DNAH9: variants seen among roughly 807,000 people sequenced by gnomAD.
The protein encoded by DNAH9 is DNAH9 variant protein.
In DNAH9, 345 loss-of-function variants were observed where a neutral mutation model predicts 471.6. That is an observed-to-expected ratio of 0.73 (90% CI 0.67 to 0.80). The LOEUF is 0.80. Ranked by LOEUF, DNAH9 falls within the 30% of genes least tolerant of loss-of-function variation. The pLI, the probability that DNAH9 is intolerant of heterozygous loss-of-function variation, is 0.00. For missense variants in DNAH9, 5,407 were observed against 5,609.2 expected, an observed-to-expected ratio of 0.96 and a Z score of 1.15; for synonymous variants, 2,093 against 2,123.6, an observed-to-expected ratio of 0.99 and a Z score of 0.40.
intron 10 of DNAH9, among the ~76,000 whole-genome samples, chr17:11,640,762 T>C (rs2073256421): frequency 6.6e-6 from 1 of 152,138 alleles, no homozygotes; most frequent in Admixed American, 6.5e-5. Flanking sequence ...TCAAGTGCAG[T>C]ATGAGGTCTC....
Position 11,892,122 on chromosome 17 carries a change from C to G in DNAH9, c.11283+175C>G, listed in dbSNP as rs1040193638. ...ATGTGGTGTGTGCATCTGCCCCCAC[C>G]ATTTCCCACTTATGGCAGACATACT... On this transcript the variant is annotated intron_variant, in intron 58 of 68. Coordinates refer to ENST00000262442, the MANE Select transcript of DNAH9 (RefSeq NM_001372.4). The surrounding 1 kb of genome is among the most constrained non-coding windows in gnomAD (Gnocchi z 4.3). Among the ~76,000 whole-genome samples, 19 of 152,308 alleles carry G rather than the reference C, an allele frequency of 1.2e-4. No individual in the cohort carries two copies. The East Asian group carries it at 2.9e-3, about 23-fold the overall frequency.
At chr17:11,744,646 G>A (rs1743908142) in intron 30 of DNAH9, 151 bp from the exon 31 acceptor site, 1 of 659,048 alleles carries the variant, frequency 1.5e-6, no homozygotes, top group Non-Finnish European at 2.6e-6. Context: ...CTAAATTCTG[G>A]GATCATCATT....
chr17:11,784,339 G>C lies in DNAH9; in HGVS notation c.7861G>C (p.Asp2621His). The change falls in exon 41 of 69, where the codon GAT becomes CAT. Residue 2621 changes from aspartate (D) to histidine (H), a missense_variant. Transcript: ENST00000262442. ...GTTTGTCCTCTCCTTCCCGGGGGCAGATGCCCTGTCCTCTATCTACAGCAT... is the reference window on the plus strand; with the variant it reads ...GTTTGTCCTCTCCTTCCCGGGGGCACATGCCCTGTCCTCTATCTACAGCAT... ...SVFVLSFPGA[D>H]ALSSIYSIIL... The C allele has an allele frequency of 6.2e-7, 1 of 1,614,194 alleles. No individual in the cohort carries two copies. Among genetic ancestry groups the C allele is most frequent in the Non-Finnish European group, 8.5e-7 (1 of 1,180,040 alleles).
intron 61 of DNAH9, among the ~76,000 whole-genome samples, chr17:11,914,216 A>G (rs1451964220): frequency 1.3e-5 from 2 of 152,156 alleles, no homozygotes; most frequent in African/African-American, 4.8e-5. Flanking sequence ...TGTAGCTTTT[A>G]GTTTTCTTTG....
At chr17:11,850,708 C>T (rs892506993) in intron 49 of DNAH9, among the ~76,000 whole-genome samples, 1 of 151,910 alleles carries the variant, frequency 6.6e-6, no homozygotes, top group Non-Finnish European at 1.5e-5. Flanking sequence ...CCACGCTGCT[C>T]TATCTGCCTG....
chr17:11,812,026 AATATAT>A (rs1555601078), intron 45 of DNAH9, among the ~76,000 whole-genome samples: 602 of 36,728 alleles, frequency 0.016, 29 homozygotes, highest in Non-Finnish European at 0.018. Flanking sequence ...AAAAAAAAAA[AATATAT>A]ATATATATAT....
intron 65 of DNAH9, 52 bp downstream of exon 65, chr17:11,934,123 G>T: frequency 6.4e-7 from 1 of 1,565,398 alleles, no homozygotes; most frequent in South Asian, 1.2e-5. Flanking sequence ...ACAGGGCCCT[G>T]GGTATTCCTC....
At chr17:11,908,631 C>T (rs994499465) in intron 61 of DNAH9, among the ~76,000 whole-genome samples, 1 of 152,180 alleles carries the variant, frequency 6.6e-6, no homozygotes, top group Non-Finnish European at 1.5e-5. Context: ...TATACTAAAT[C>T]AATACAAATG....
At chr17:11,928,835 G>T (rs1166083912) in intron 62 of DNAH9, among the ~76,000 whole-genome samples, 1 of 152,146 alleles carries the variant, frequency 6.6e-6, no homozygotes, top group African/African-American at 2.4e-5. Flanking sequence ...ACCAATTACC[G>T]GAGGATCTCA....
chr17:11,884,983 G>A (rs1312659826), intron 56 of DNAH9, among the ~76,000 whole-genome samples: 7 of 151,928 alleles, frequency 4.6e-5, no homozygotes, highest in Admixed American at 2.0e-4. Context: ...GCTGTGTGCC[G>A]AGGGTTGTAT....
chr17:11,740,423 C>T (rs1328763237), intron 29 of DNAH9, among the ~76,000 whole-genome samples: 1 of 152,094 alleles, frequency 6.6e-6, no homozygotes, highest in Admixed American at 6.6e-5. Context: ...TGAGGGCTCT[C>T]CTCCAGGTTG....
chr17:11,661,238 T>C (rs1375438597), intron 14 of DNAH9, among the ~76,000 whole-genome samples: 2 of 151,822 alleles, frequency 1.3e-5, no homozygotes, highest in African/African-American at 4.9e-5. Context: ...ATATAGCCTT[T>C]CCTATCTGAT....
chr17:11,778,698 G>A (rs1180639807), intron 38 of DNAH9, among the ~76,000 whole-genome samples: 1 of 152,082 alleles, frequency 6.6e-6, no homozygotes, highest in Admixed American at 6.6e-5. Context: ...ATAACAAATG[G>A]GAAGCCACTT....
intron 26 of DNAH9, among the ~76,000 whole-genome samples, chr17:11,713,310 A>G (rs1301841520): frequency 6.6e-6 from 1 of 152,044 alleles, no homozygotes; most frequent in Middle Eastern, 3.4e-3. Context: ...TCATTAATGG[A>G]CATTTAGGTT....
chr17:11,700,193 C>T (rs1283732641), intron 23 of DNAH9, among the ~76,000 whole-genome samples: 2 of 152,166 alleles, frequency 1.3e-5, no homozygotes, highest in Non-Finnish European at 2.9e-5. Flanking sequence ...AAATGATTAG[C>T]GGCACCAGGA....
chr17:11,669,076 G>A lies in DNAH9; in HGVS notation c.2744G>A (p.Gly915Glu). Residue 915 changes from glycine (G) to glutamate (E), a missense_variant, in exon 16 of 69, where the codon GGA becomes GAA. Transcript: ENST00000262442. ...CTGTGTTTTTCAGAGTGTAAGGCAG[G>A]ACTTACCCCAATATTTGAAGCACAA... is the stretch of plus-strand genomic sequence containing the variant. ...YLLENTECKA[G>E]LTPIFEAQLS... 6.2e-7 allele frequency: 1 copy of A among 1,612,336 alleles called. No individual in the cohort carries two copies. The highest frequency in any genetic ancestry group is 8.5e-7 in the Non-Finnish European group (1 of 1,178,786).
Position 11,880,183 on chromosome 17 carries a change from A to T in DNAH9, c.10584A>T (p.Glu3528Asp). Residue 3528 changes from glutamate to aspartate, a missense_variant, in exon 54 of 69, where the codon GAA becomes GAT. Glu to Asp is a conservative substitution (Grantham distance 45). Transcript: ENST00000262442. ...TTCTGGGACCCCTGCTTGGGAGAGAAGTCATTAAAAAAGGACGGTAAGACT... is the reference window on the plus strand; with the variant it reads ...TTCTGGGACCCCTGCTTGGGAGAGATGTCATTAAAAAAGGACGGTAAGACT... Reference protein sequence around the residue: ...DPVLGPLLGREVIKKGRFIKI... With the variant: ...DPVLGPLLGRDVIKKGRFIKI... The T allele has an allele frequency of 6.2e-7, 1 of 1,613,678 alleles. No homozygotes were observed. Among genetic ancestry groups the T allele is most frequent in the Non-Finnish European group, 8.5e-7 (1 of 1,179,772 alleles).
chr17:11,934,435 ATTTTTT>A (rs547023975), intron 65 of DNAH9, among the ~76,000 whole-genome samples: 5 of 86,044 alleles, frequency 5.8e-5, no homozygotes, highest in East Asian at 6.9e-4. Context: ...TGACAAACCC[ATTTTTT>A]TTTTTTTTTT....
chr17:11,902,744 C>A lies in DNAH9; in HGVS notation c.11432C>A (p.Ser3811Tyr), dbSNP rs1035032117. The change falls in exon 60 of 69, where the codon TCT (serine) becomes TAT (tyrosine). Residue 3811 changes from serine (S) to tyrosine (Y), a missense_variant. Ser to Tyr is a moderately radical substitution (Grantham distance 144). Coordinates refer to ENST00000262442, the MANE Select transcript of DNAH9 (RefSeq NM_001372.4). ...VKVLSSMEEFSNLDRDIEGSA... is the reference protein window; with the variant it reads ...VKVLSSMEEFYNLDRDIEGSA... ...GTACTTTCATCAATGGAAGAATTCT[C>A]TAATCTGGATCGGGACATAGAGGGA... The A allele has an allele frequency of 1.2e-6, 2 of 1,611,700 alleles. No individual in the cohort carries two copies. Among genetic ancestry groups the A allele is most frequent in the Admixed American group, 3.4e-5 (2 of 59,068 alleles).
Sources: allele counts gnomAD v4.1 joint callset (sites outside exome capture counted in the v4.1 genomes callset), GRCh38; gene constraint gnomAD v4.1.1; non-coding constraint Gnocchi (gnomAD v3.1); transcripts MANE v1.5; gene names NCBI Gene and HGNC (gene_info 2026-07-23, HGNC 2026-07-21).